Variants in PDLIM5 observed in about 807,000 individuals in gnomAD.
The protein encoded by PDLIM5 is PDZ and LIM domain 5.
A neutral mutation model predicts 64.2 loss-of-function variants in PDLIM5; 34 were observed. That is an observed-to-expected ratio of 0.53 (90% CI 0.40 to 0.71). The LOEUF (loss-of-function observed/expected upper bound fraction) is 0.71, where lower values mean the gene tolerates loss of function less well. Ranked by LOEUF, PDLIM5 falls within the 30% of genes least tolerant of loss-of-function variation. PDLIM5 has a pLI of 0.00. For synonymous variants in PDLIM5, 253 were observed against 269.1 expected (o/e 0.94, Z 0.59); for missense variants, 683 against 733.6 (o/e 0.93, Z 0.80).
chr4:94,473,131 A>G (rs1725023015), intron 2 of PDLIM5, among the ~76,000 whole-genome samples: 1 of 152,266 alleles, frequency 6.6e-6, no homozygotes, highest in Non-Finnish European at 1.5e-5. Flanking sequence ...GATAAAGTCC[A>G]GGAATAGTAT....
intron 7 of PDLIM5, among the ~76,000 whole-genome samples, chr4:94,611,702 A>T (rs1738379294): frequency 6.6e-6 from 1 of 152,228 alleles, no homozygotes. Context: ...AAGCTTAAGG[A>T]TTAAGCCAGA....
intron 7 of PDLIM5, among the ~76,000 whole-genome samples, chr4:94,604,026 A>G (rs895565746): frequency 2.6e-5 from 4 of 152,220 alleles, no homozygotes; most frequent in Non-Finnish European, 5.9e-5. Flanking sequence ...TGGGCTAGAT[A>G]TAAATCTGGA....
chr4:94,487,049 G>C (rs1465377186), intron 2 of PDLIM5, among the ~76,000 whole-genome samples: 2 of 152,110 alleles, frequency 1.3e-5, no homozygotes, highest in Non-Finnish European at 2.9e-5. Context: ...CTATGTACAT[G>C]GGTGGCTGAA....
rs13107595 is a variant in PDLIM5, at chr4:94,657,437, G to A, written c.1475G>A (p.Ser492Asn). The change falls in exon 11 of 13, where the codon AGT becomes AAT. Residue 492 changes from serine (S) to asparagine (N), a missense_variant. Transcript: ENST00000317968. ...CQRKILGEVI[S>N]ALKQTWHVSC... ...ACCTTTCTGTAACAGGAAGTCATCA[G>A]TGCGTTGAAACAAACTTGGCATGTT... is the stretch of plus-strand genomic sequence containing the variant. The A allele has an allele frequency of 0.99, 1,580,428 of 1,594,804 alleles. 783,228 individuals carry two copies. The highest frequency in any genetic ancestry group is 1 in the East Asian group (44,757 of 44,758).
chr4:94,483,684 G>A (rs926326424), intron 2 of PDLIM5, among the ~76,000 whole-genome samples: 3 of 152,022 alleles, frequency 2.0e-5, no homozygotes, highest in South Asian at 2.1e-4. Flanking sequence ...GTTCAACATC[G>A]TGTTTTACAG....
chr4:94,627,041 T>C (rs1739754451), intron 8 of PDLIM5, among the ~76,000 whole-genome samples: 1 of 152,208 alleles, frequency 6.6e-6, no homozygotes, highest in Non-Finnish European at 1.5e-5. Flanking sequence ...ATTTATTGGT[T>C]CCATTTTAAA....
intron 7 of PDLIM5, among the ~76,000 whole-genome samples, chr4:94,601,154 A>G (rs1737456566): frequency 1.3e-5 from 2 of 152,310 alleles, no homozygotes; most frequent in South Asian, 4.1e-4. Flanking sequence ...ACAAACAGTT[A>G]TTTCTCATAG....
intron 2 of PDLIM5, among the ~76,000 whole-genome samples, chr4:94,487,428 C>T (rs1726451089): frequency 6.6e-6 from 1 of 152,160 alleles, no homozygotes; most frequent in Non-Finnish European, 1.5e-5. Flanking sequence ...CCTCTGTCCT[C>T]CTGAGCAGTA....
chr4:94,564,750 G>T (rs1323808439), intron 3 of PDLIM5, among the ~76,000 whole-genome samples: 2 of 143,182 alleles, frequency 1.4e-5, no homozygotes, highest in African/African-American at 5.4e-5. Context: ...CCACCTCCTG[G>T]GTTCAAGCGA....
chr4:94,544,150 C>G (rs1464357005), intron 3 of PDLIM5, among the ~76,000 whole-genome samples: 3 of 152,108 alleles, frequency 2.0e-5, no homozygotes, highest in Non-Finnish European at 4.4e-5. Flanking sequence ...GTCAGCTTGT[C>G]TCTTCCTCTT....
chr4:94,611,033 A>T (rs1560739166), intron 7 of PDLIM5: 1 of 1,500,044 alleles, frequency 6.7e-7, no homozygotes, highest in Non-Finnish European at 9.0e-7. Context: ...TGGTAGTGTG[A>T]TTTTTGACTT....
intron 7 of PDLIM5, among the ~76,000 whole-genome samples, chr4:94,607,546 A>G (rs556774627): frequency 1.4e-4 from 21 of 152,236 alleles, no homozygotes; most frequent in Non-Finnish European, 2.6e-4. Context: ...CACAACATCC[A>G]TATAACTTCA....
At chr4:94,613,960 CTTT>C (rs759120575) in intron 7 of PDLIM5, among the ~76,000 whole-genome samples, 6 of 124,328 alleles carry the variant, frequency 4.8e-5, no homozygotes, top group East Asian at 2.2e-4. Context: ...ACTTTTAATC[CTTT>C]TTTTTTTTTT....
At chr4:94,627,254 A>G (rs545016495) in intron 8 of PDLIM5, among the ~76,000 whole-genome samples, 1 of 152,278 alleles carries the variant, frequency 6.6e-6, no homozygotes, top group East Asian at 1.9e-4. Flanking sequence ...TAACAAGTAG[A>G]TTTTTGTTTC....
chr4:94,518,720 G>A (rs1729575280), intron 2 of PDLIM5, among the ~76,000 whole-genome samples: 2 of 152,038 alleles, frequency 1.3e-5, no homozygotes, highest in South Asian at 2.1e-4. Flanking sequence ...TTATTTTGAT[G>A]TTCTGTTCTG....
intron 7 of PDLIM5, among the ~76,000 whole-genome samples, chr4:94,617,734 T>G (rs1738902759): frequency 6.6e-6 from 1 of 151,990 alleles, no homozygotes; most frequent in Admixed American, 6.6e-5. Flanking sequence ...TTAAAATGAT[T>G]AACTGTGTAA....
intron 3 of PDLIM5, among the ~76,000 whole-genome samples, chr4:94,563,512 G>A (rs1354481538): frequency 3.9e-5 from 6 of 152,176 alleles, no homozygotes; most frequent in Admixed American, 3.9e-4. Flanking sequence ...CTACACAGAA[G>A]ATAGCAGACT....
intron 2 of PDLIM5, among the ~76,000 whole-genome samples, chr4:94,464,877 G>T (rs1250915542): frequency 6.6e-6 from 1 of 152,072 alleles, no homozygotes; most frequent in Admixed American, 6.5e-5. Context: ...TTCATCAATG[G>T]CTTATTCTCC....
intron 1 of PDLIM5, among the ~76,000 whole-genome samples, 195 bp from the exon 2 acceptor site, chr4:94,455,052 C>T (rs1236100235): frequency 6.6e-6 from 1 of 152,120 alleles, no homozygotes; most frequent in Non-Finnish European, 1.5e-5. Flanking sequence ...AATTTTTAGA[C>T]CATGGAAATT....
Sources: allele counts gnomAD v4.1 joint callset (sites outside exome capture counted in the v4.1 genomes callset), GRCh38; gene constraint gnomAD v4.1.1; transcripts MANE v1.5; gene names NCBI Gene and HGNC (gene_info 2026-07-23, HGNC 2026-07-21).